ERCC1: variants seen among roughly 807,000 people sequenced by gnomAD.
ERCC1 encodes the protein DNA excision repair protein ERCC-1.
In ERCC1, 36 loss-of-function variants were observed where a neutral mutation model predicts 37.6. That is an observed-to-expected ratio of 0.96 (90% CI 0.73 to 1.26). ERCC1 has a LOEUF of 1.26. Ranked by LOEUF, ERCC1 falls within the 50% of genes most tolerant of loss-of-function variation. The probability of loss-of-function intolerance (pLI) is 0.00; values close to 1 mark genes in which losing one functional copy is unlikely to be tolerated. For missense variants in ERCC1, 349 were observed against 376.5 expected (o/e 0.93, Z 0.60); for synonymous variants, 156 against 162.1 (o/e 0.96, Z 0.28).
At chr19:45,442,117 G>C (rs1188575545) in intron 1 of ERCC1, among the ~76,000 whole-genome samples, 1 of 151,820 alleles carries the variant, frequency 6.6e-6, no homozygotes, top group Admixed American at 6.6e-5. Flanking sequence ...TTCAAGACCA[G>C]CCTCGACATT....
rs770141832 is a variant in ERCC1 at position 45,408,082 on chromosome 19, T to C, written c.*1593A>G. 6.6e-7 allele frequency: 1 copy of C among 1,511,446 alleles called. No homozygotes were observed. The highest frequency in any genetic ancestry group is 2.3e-5 in the East Asian group (1 of 43,570). The allele number at this position is 1,511,446 out of a possible 1,614,324, so 93.6% of individuals were successfully genotyped here. On this transcript the variant is annotated 3_prime_UTR_variant, in exon 10 of 10. Coordinates refer to ENST00000300853, the MANE Select transcript of ERCC1 (RefSeq NM_001983.4). The stretch of plus-strand genomic sequence containing the variant: ...AAAACAAAAAAAAAATCAAAAAACC[T>C]TCCCTCTCCTGTTCCACTTAAGCCT...
At chr19:45,438,464 G>A (rs1905119979) in intron 1 of ERCC1, among the ~76,000 whole-genome samples, 2 of 151,610 alleles carry the variant, frequency 1.3e-5, no homozygotes, top group South Asian at 4.2e-4. Context: ...TTGTTTGTTT[G>A]TTTATTTATT....
intron 1 of ERCC1, among the ~76,000 whole-genome samples, chr19:45,451,352 C>T (rs1480732365): frequency 3.9e-5 from 6 of 152,258 alleles, no homozygotes; most frequent in African/African-American, 1.4e-4. Context: ...TTTCCGGGTG[C>T]ATTGTTGCGG....
At chr19:45,409,895 ATTT>A (rs57573120) in intron 9 of ERCC1, 170 bp from the exon 10 acceptor site, 7 of 171,638 alleles carry the variant, frequency 4.1e-5, no homozygotes, top group African/African-American at 8.2e-5. Flanking sequence ...TATTATTATT[ATTT>A]TTTTTTTTTT....
intron 1 of ERCC1, among the ~76,000 whole-genome samples, chr19:45,448,562 G>A (rs1398360002): frequency 6.6e-6 from 1 of 152,126 alleles, no homozygotes; most frequent in African/African-American, 2.4e-5. Flanking sequence ...AAAAAGAAGA[G>A]AGAGGCTGGG....
chr19:45,426,199 T>G (rs984765867), upstream of ERCC1, among the ~76,000 whole-genome samples: 10 of 151,806 alleles, frequency 6.6e-5, no homozygotes, highest in African/African-American at 2.4e-4. Context: ...GCCAATATGG[T>G]GAAACCCCGT....
Position 45,408,795 on chromosome 19 carries a change from C to T in ERCC1, c.*880G>A, listed in dbSNP as rs754733579. On this transcript the variant is annotated 3_prime_UTR_variant, in exon 10 of 10. Transcript: ENST00000300853. ...ACAGTGAAGCAGGAACAGATTAACA[C>T]TGAGCCTCTAGAAGACACAGTCCTG... is the stretch of plus-strand genomic sequence containing the variant. 29 of 1,613,806 alleles carry T rather than the reference C, an allele frequency of 1.8e-5. No individual in the cohort carries two copies. The Middle Eastern group carries it at 8.2e-4, about 46-fold the overall frequency.
At chr19:45,432,841 C>T (rs557303512) in intron 1 of ERCC1, among the ~76,000 whole-genome samples, 12 of 151,978 alleles carry the variant, frequency 7.9e-5, no homozygotes, top group Admixed American at 6.6e-4. Flanking sequence ...CCGAGGTGGG[C>T]GGATCACGTG....
At chr19:45,418,019 G>T (rs989145159) in intron 5 of ERCC1, among the ~76,000 whole-genome samples, 3 of 151,916 alleles carry the variant, frequency 2.0e-5, no homozygotes, top group Admixed American at 6.6e-5. Context: ...TTGAGGCCAG[G>T]AGTTCAAGAC....
chr19:45,449,488 G>A (rs764989670), intron 1 of ERCC1, among the ~76,000 whole-genome samples: 26 of 149,582 alleles, frequency 1.7e-4, no homozygotes, highest in Admixed American at 4.6e-4. Context: ...TGAGACCCCC[G>A]TCTCTAAAAA....
chr19:45,414,122 C>A, intron 7 of ERCC1, 88 bp from the exon 8 acceptor site: 1 of 1,015,208 alleles, frequency 9.9e-7, no homozygotes, highest in Non-Finnish European at 1.5e-6. Flanking sequence ...ACAGCTGTGT[C>A]CCCAGACTGC....
rs73564985 is a variant in ERCC1, at chr19:45,445,698, G to A, written c.-7-22317C>T. ...ATGTCTGGTGTGTTGGAGGAACACG[G>A]AGGCAGCTAGTGTGGGTGGACAGAG... On this transcript the variant is annotated intron_variant, in intron 1 of 8. Coordinates refer to the ERCC1 transcript ENST00000423698. Among the ~76,000 whole-genome samples, 354 of 152,230 alleles carry A rather than the reference G, an allele frequency of 2.3e-3. 1 individual carries two copies. The highest frequency in any genetic ancestry group is 8.2e-3 in the African/African-American group (339 of 41,534).
At position 45,420,398 on chromosome 19, in the gene ERCC1, G is replaced by T. The variant is rs1974341537; in HGVS notation, c.351C>A (p.Arg117=). 1.2e-6 allele frequency: 2 copies of T among 1,613,584 alleles called. No individual in the cohort carries two copies. The highest frequency in any genetic ancestry group is 1.7e-6 in the Non-Finnish European group (2 of 1,179,690). The change falls in exon 4 of 10, where the codon CGC becomes CGA. Residue 117 remains arginine, a synonymous_variant. Coordinates refer to ENST00000300853, the MANE Select transcript of ERCC1 (RefSeq NM_001983.4). This position sits in a 1 kb window ranked among gnomAD's most constrained non-coding sequence, Gnocchi z 4.8. The part of the protein sequence containing the change: ...QRGNPVLKFV[R]NVPWEFGDVI... ...CGTCGCCAAATTCCCAGGGCACATT[G>T]CGCACGAACTTCAGTACGGGATTGC...
intron 1 of ERCC1, among the ~76,000 whole-genome samples, chr19:45,433,585 C>T (rs898676138): frequency 4.6e-5 from 7 of 150,680 alleles, no homozygotes; most frequent in Admixed American, 2.7e-4. Context: ...CTACTTAGGA[C>T]GCTGAGGCCA....
rs768354999 is a variant in ERCC1 at position 45,408,667 on chromosome 19, G to A, written c.*1008C>T. The A allele has an allele frequency of 6.2e-7, 1 of 1,613,880 alleles. No individual in the cohort carries two copies. ...AGGCAGCAGGGCCTGTGGGGACAGA[G>A]CCCACAGTGGAGACACTGGAGCCTC... On this transcript the variant is annotated 3_prime_UTR_variant, in exon 10 of 10. Coordinates refer to ENST00000300853, the MANE Select transcript of ERCC1 (RefSeq NM_001983.4).
intron 1 of ERCC1, among the ~76,000 whole-genome samples, chr19:45,434,310 G>C (rs368061713): frequency 3.5e-5 from 5 of 143,520 alleles, no homozygotes. Flanking sequence ...GTGAAACACC[G>C]TGTCTCTCCA....
chr19:45,424,137 A>G (rs1204778683), upstream of ERCC1: 5 of 859,134 alleles, frequency 5.8e-6, no homozygotes, highest in South Asian at 1.6e-4. Context: ...AGGAGATCCA[A>G]CTTGGTCCCT....
At chr19:45,416,703 C>A (rs967021483) in intron 6 of ERCC1, 118 bp downstream of exon 6, 1 of 746,808 alleles carries the variant, frequency 1.3e-6, no homozygotes. Flanking sequence ...CAGAGAGAGG[C>A]AGTGCCTGCA....
chr19:45,437,971 A>C (rs1173636906), intron 1 of ERCC1, among the ~76,000 whole-genome samples: 1 of 151,264 alleles, frequency 6.6e-6, no homozygotes. Flanking sequence ...GCAGTGGCAC[A>C]ATCTCGGCTC....
Sources: gnomAD v4.1 joint callset for allele counts (sites outside exome capture counted in the v4.1 genomes callset) on GRCh38, gnomAD v4.1.1 for gene constraint, Gnocchi (gnomAD v3.1) non-coding constraint, MANE v1.5 for transcripts, NCBI Gene and HGNC (gene_info 2026-07-23, HGNC 2026-07-21) for gene names.